MLYCD: variants seen among roughly 807,000 people sequenced by gnomAD.
MLYCD encodes malonyl-CoA decarboxylase.
MLYCD carries 27 observed loss-of-function variants against 35.8 expected under a neutral mutation model. The observed-to-expected ratio is 0.75, with a 90% CI of 0.56 to 1.04. MLYCD has a LOEUF of 1.04. MLYCD is among the 50% of genes least tolerant of loss of function. The pLI, the probability that MLYCD is intolerant of heterozygous loss-of-function variation, is 0.00. For missense variants in MLYCD, 917 were observed against 665.1 expected (o/e 1.38, Z -4.17); for synonymous variants, 403 against 302.4 (o/e 1.33, Z -3.45).
chr16:83,910,071 G>A (rs1415415579), intron 3 of MLYCD, among the ~76,000 whole-genome samples: 3 of 152,146 alleles, frequency 2.0e-5, no homozygotes, highest in Non-Finnish European at 2.9e-5. Context: ...GAGAATGTGC[G>A]TGGGTACGCA....
intron 3 of MLYCD, 184 bp from the exon 4 acceptor site, chr16:83,912,034 C>T (rs1907197166): frequency 2.5e-6 from 2 of 810,710 alleles, no homozygotes; most frequent in Admixed American, 2.1e-5. Flanking sequence ...GAGTCGCCTC[C>T]TCCAGAGAGT....
Position 83,922,739 on chromosome 16 carries a change from A to G in MLYCD, c.*7250A>G, listed in dbSNP as rs995331516. 3 of 152,264 alleles carry G rather than the reference A, an allele frequency of 2.0e-5. No homozygotes were observed. Among genetic ancestry groups the G allele is most frequent in the African/African-American group, 4.8e-5 (2 of 41,452 alleles). The allele number at this position is 152,264 out of a possible 1,614,324, so 9.4% of individuals were successfully genotyped here. ...TCCCTGTCATGATGGGCGTTTCTAC[A>G]TCTGGACCTGGGCGCCACCATCCTG... is the stretch of plus-strand genomic sequence containing the variant. On this transcript the variant is annotated 3_prime_UTR_variant, in exon 5 of 5. Coordinates refer to ENST00000262430, the MANE Select transcript of MLYCD (RefSeq NM_012213.3).
At chr16:83,909,620 G>GTTTTTTT (rs1281867257) in intron 3 of MLYCD, among the ~76,000 whole-genome samples, 1 of 130,818 alleles carries the variant, frequency 7.6e-6, no homozygotes, top group Non-Finnish European at 1.7e-5. Context: ...GTGGTGTTGT[G>GTTTTTTT]TTTTTTTTTT....
chr16:83,899,706 G>GGCGGCCCC, intron 1 of MLYCD, 34 bp downstream of exon 1: 1 of 1,486,984 alleles, frequency 6.7e-7, no homozygotes, highest in Non-Finnish European at 8.9e-7. Context: ...CGGCAGCGCG[G>GGCGGCCCC]ACTGGCCGCC....
intron 1 of MLYCD, among the ~76,000 whole-genome samples, chr16:83,905,657 C>T (rs1208643606): frequency 6.6e-6 from 1 of 152,220 alleles, no homozygotes; most frequent in Non-Finnish European, 1.5e-5. Flanking sequence ...GGGCCAAGGG[C>T]CTGCTCCTGC....
rs1375748581 is a variant in MLYCD, at chr16:83,899,520, G to A, written c.376G>A (p.Glu126Lys). The change falls in exon 1 of 5, where the codon GAG becomes AAG. Residue 126 changes from glutamate (E) to lysine (K), a missense_variant. Coordinates refer to ENST00000262430, the MANE Select transcript of MLYCD (RefSeq NM_012213.3). ...GGAGGCGGCGGTGCTGCTGCAGGCC[G>A]AGGACCGGCTGCGCTACGCGCTGGT... is the stretch of plus-strand genomic sequence containing the variant. ...QREAAVLLQA[E>K]DRLRYALVPR... 2 of 1,588,828 alleles carry A rather than the reference G, an allele frequency of 1.3e-6. No homozygotes were observed. Among genetic ancestry groups the A allele is most frequent in the Middle Eastern group, 1.7e-4 (1 of 5,782 alleles).
chr16:83,915,774 G>A lies in MLYCD; in HGVS notation c.*285G>A, dbSNP rs138692583. On this transcript the variant is annotated 3_prime_UTR_variant, in exon 5 of 5. Coordinates refer to ENST00000262430, the MANE Select transcript of MLYCD (RefSeq NM_012213.3). ...TTGCCCTTGGCCTGGCTCCCTGCCC[G>A]GGGCTGGTGCTGTGGTACCTACATC... 37 of 1,316,818 alleles carry A rather than the reference G, an allele frequency of 2.8e-5. No homozygotes were observed. Among genetic ancestry groups the A allele is most frequent in the East Asian group, 2.8e-4 (8 of 28,882 alleles). 81.6% of individuals were successfully genotyped at this position (1,316,818 alleles called of 1,614,324 possible).
At chr16:83,902,295 C>G (rs1356773483) in intron 1 of MLYCD, among the ~76,000 whole-genome samples, 1 of 150,048 alleles carries the variant, frequency 6.7e-6, no homozygotes, top group Non-Finnish European at 1.5e-5. Flanking sequence ...AACTCCTGGC[C>G]TCAAGCAAGC....
chr16:83,904,428 G>A (rs1331711765), intron 1 of MLYCD, among the ~76,000 whole-genome samples: 1 of 152,188 alleles, frequency 6.6e-6, no homozygotes, highest in Non-Finnish European at 1.5e-5. Context: ...GGAAGATTAA[G>A]AATTGCTATA....
intron 1 of MLYCD, among the ~76,000 whole-genome samples, chr16:83,905,516 A>C (rs1906942327): frequency 6.6e-6 from 1 of 152,192 alleles, no homozygotes; most frequent in Non-Finnish European, 1.5e-5. Flanking sequence ...TGGTGGATTC[A>C]GACTTGAATC....
chr16:83,921,098 A>AGATG lies in MLYCD; in HGVS notation c.*5628_*5631dup, dbSNP rs545948720. On this transcript the variant is annotated 3_prime_UTR_variant, in exon 5 of 5. Coordinates refer to ENST00000262430, the MANE Select transcript of MLYCD (RefSeq NM_012213.3). ...GAAGGAAGATGGTTGGATGGATGGA[A>AGATG]GATGGATGGATGGATGGATGGAGGG... The AGATG allele has an allele frequency of 9.8e-4, 144 of 146,214 alleles. 1 individual carries two copies. The highest frequency in any genetic ancestry group is 3.4e-3 in the African/African-American group (133 of 39,196). The allele number at this position is 146,214 out of a possible 1,614,324, so 9.1% of individuals were successfully genotyped here.
chr16:83,913,912 T>C (rs1793746225), intron 4 of MLYCD: 1 of 152,176 alleles, frequency 6.6e-6, no homozygotes, highest in Admixed American at 6.5e-5. Flanking sequence ...TAGGCTGCTT[T>C]TTTTATATTA....
intron 3 of MLYCD, among the ~76,000 whole-genome samples, chr16:83,909,140 G>A (rs935931027): frequency 3.3e-5 from 5 of 152,160 alleles, no homozygotes; most frequent in Non-Finnish European, 5.9e-5. Flanking sequence ...CTCTTGGTGG[G>A]ACTAGGGGCC....
Position 83,925,525 on chromosome 16 carries a change from G to C in MLYCD, c.*10036G>C, listed in dbSNP as rs1037942701. 1 of 152,402 alleles carries C rather than the reference G, an allele frequency of 6.6e-6. No homozygotes were observed. The highest frequency in any genetic ancestry group is 1.5e-5 in the Non-Finnish European group (1 of 68,162). The allele number at this position is 152,402 out of a possible 1,614,324, so 9.4% of individuals were successfully genotyped here. A position where few individuals can be genotyped will look rare whatever the true frequency, so the allele number is the denominator to read the frequency against. On this transcript the variant is annotated 3_prime_UTR_variant, in exon 5 of 5. Coordinates refer to ENST00000262430, the MANE Select transcript of MLYCD (RefSeq NM_012213.3). ...AGATCCTTCTCCACCCCAGCAGGCAGAGTTGTCATTGTGAAATGCAAATCA... is the reference window on the plus strand; with the variant it reads ...AGATCCTTCTCCACCCCAGCAGGCACAGTTGTCATTGTGAAATGCAAATCA...
At position 83,906,993 on chromosome 16, in the gene MLYCD, A is replaced by G. The variant is rs1428466512; in HGVS notation, c.535A>G (p.Asn179Asp). The G allele has an allele frequency of 1.2e-6, 2 of 1,613,866 alleles. No individual in the cohort carries two copies. The highest frequency in any genetic ancestry group is 1.7e-6 in the Non-Finnish European group (2 of 1,179,904). ...TTTATCTTCTCCTTTTCAGGAAATG[A>G]ATGGGGTGCTGAAAGGAATGCTCTC... is the stretch of plus-strand genomic sequence containing the variant. ...LVEGPDVREM[N>D]GVLKGMLSEW... is the part of the protein sequence containing the mutation. Residue 179 changes from asparagine to aspartate, a missense_variant, in exon 2 of 5, where the codon AAT becomes GAT. Asn to Asp is a conservative substitution (Grantham distance 23). Transcript: ENST00000262430.
At position 83,899,234 on chromosome 16, in the gene MLYCD, G is replaced by T; in HGVS notation, c.90G>T (p.Gly30=). 1 of 1,251,198 alleles carries T rather than the reference G, an allele frequency of 8.0e-7. No homozygotes were observed. Among genetic ancestry groups the T allele is most frequent in the Non-Finnish European group, 1.0e-6 (1 of 1,002,626 alleles). 77.5% of individuals were successfully genotyped at this position (1,251,198 alleles called of 1,614,324 possible). A position where few individuals can be genotyped will look rare whatever the true frequency, so the allele number is the denominator to read the frequency against. Residue 30 remains glycine, a synonymous_variant, in exon 1 of 5, where the codon GGG becomes GGT. Coordinates refer to ENST00000262430, the MANE Select transcript of MLYCD (RefSeq NM_012213.3). The part of the protein sequence containing the change: ...PRPPGPRLAS[G]QAAGALERAM... Reference sequence around the variant, plus strand: ...CGCCCGGGCCCCGGCTGGCGAGCGGGCAGGCGGCCGGCGCCCTGGAGCGGG... The same window carrying T: ...CGCCCGGGCCCCGGCTGGCGAGCGGTCAGGCGGCCGGCGCCCTGGAGCGGG...
chr16:83,905,097 A>G (rs921491749), intron 1 of MLYCD, among the ~76,000 whole-genome samples: 1 of 152,162 alleles, frequency 6.6e-6, no homozygotes, highest in African/African-American at 2.4e-5. Flanking sequence ...ATTAAAATGT[A>G]AAATTGTTTT....
rs1293652845 is a variant in MLYCD at position 83,899,148 on chromosome 16, C to G, written c.4C>G (p.Arg2Gly). The G allele has an allele frequency of 8.8e-7, 1 of 1,141,782 alleles. No individual in the cohort carries two copies. Among genetic ancestry groups the G allele is most frequent in the Admixed American group, 4.8e-5 (1 of 21,030 alleles). The allele number at this position is 1,141,782 out of a possible 1,614,324, so 70.7% of individuals were successfully genotyped here. Residue 2 changes from arginine to glycine, a missense_variant, in exon 1 of 5, where the codon CGA (arginine) becomes GGA (glycine). Arg to Gly is a moderately radical substitution (Grantham distance 125). Transcript: ENST00000262430. ...TCGGCAGCTGTTGTGGGGCACCATG[C>G]GAGGCTTCGGGCCAGGCTTGACGGC... M[R>G]GFGPGLTARR...
Position 83,918,367 on chromosome 16 carries a change from A to G in MLYCD, c.*2878A>G, listed in dbSNP as rs558073763. On this transcript the variant is annotated 3_prime_UTR_variant, in exon 5 of 5. Coordinates refer to ENST00000262430, the MANE Select transcript of MLYCD (RefSeq NM_012213.3). ...GCACACGGTGCACAGGAGAACACGC[A>G]CACATGTTGCACAGGAGAATTCACA... 3 of 149,806 alleles carry G rather than the reference A, an allele frequency of 2.0e-5. No individual in the cohort carries two copies. The highest frequency in any genetic ancestry group is 4.3e-4 in the South Asian group (2 of 4,644). The allele number at this position is 149,806 out of a possible 1,614,324, so 9.3% of individuals were successfully genotyped here.
Sources: allele counts gnomAD v4.1 joint callset (sites outside exome capture counted in the v4.1 genomes callset), GRCh38; gene constraint gnomAD v4.1.1; transcripts MANE v1.5; gene names NCBI Gene and HGNC (gene_info 2026-07-23, HGNC 2026-07-21).